Variants in FSD1L observed in about 807,000 individuals in gnomAD.
FSD1L encodes the protein fibronectin type III and SPRY domain containing 1 like.
In FSD1L, 45 loss-of-function variants were observed where a neutral mutation model predicts 71.6. That is an observed-to-expected ratio of 0.63 (90% CI 0.49 to 0.81). The LOEUF (loss-of-function observed/expected upper bound fraction) is 0.81, where lower values mean the gene tolerates loss of function less well. Among genes scored for constraint, FSD1L ranks in the 30% least tolerant of loss-of-function variants. FSD1L has a pLI of 0.00. For synonymous variants in FSD1L, 197 were observed against 207.2 expected (o/e 0.95, Z 0.42); for missense variants, 561 against 618.1 (o/e 0.91, Z 0.98).
intron 10 of FSD1L, 38 bp downstream of exon 10, chr9:105,512,974 C>T (rs2131379991): frequency 7.0e-7 from 1 of 1,437,918 alleles, no homozygotes; most frequent in Non-Finnish European, 9.2e-7. Flanking sequence ...TGGACAAATG[C>T]TTGTACACTG....
Position 105,535,158 on chromosome 9 carries a change from G to A in FSD1L, c.1218G>A (p.Thr406=), listed in dbSNP as rs539181331. The A allele has an allele frequency of 3.0e-5, 46 of 1,551,864 alleles. No homozygotes were observed. Among genetic ancestry groups the A allele is most frequent in the Middle Eastern group, 3.3e-4 (2 of 6,018 alleles). Reference sequence around the variant, plus strand: ...ACAGTGTGGGAGTAGCATACAAAACGTTGGGGAAATTTGACCAATTGGGAA... The same window carrying A: ...ACAGTGTGGGAGTAGCATACAAAACATTGGGGAAATTTGACCAATTGGGAA... The part of the protein sequence containing the change: ...KSYSVGVAYK[T]LGKFDQLGKT... The change falls in exon 12 of 14, where the codon ACG becomes ACA. Residue 406 remains threonine (T), a synonymous_variant. Transcript: ENST00000481272.
chr9:105,534,454 T>TAAAATA (rs1836130123), intron 10 of FSD1L, 39 bp from the exon 11 acceptor site: 1 of 1,096,240 alleles, frequency 9.1e-7, no homozygotes, highest in Non-Finnish European at 1.3e-6. Flanking sequence ...ATTTACAGTA[T>TAAAATA]AAAATATTTG....
At chr9:105,490,075 A>C (rs373736970) in intron 7 of FSD1L, among the ~76,000 whole-genome samples, 2 of 152,220 alleles carry the variant, frequency 1.3e-5, no homozygotes, top group Non-Finnish European at 2.9e-5. Flanking sequence ...CTGAGGAATC[A>C]CCACACTGAC....
intron 1 of FSD1L, among the ~76,000 whole-genome samples, chr9:105,455,964 T>G (rs1444652201): frequency 6.6e-6 from 1 of 152,222 alleles, no homozygotes; most frequent in Non-Finnish European, 1.5e-5. Flanking sequence ...CTCAGAAGTC[T>G]TCTCCTCCTC....
intron 10 of FSD1L, among the ~76,000 whole-genome samples, chr9:105,515,883 C>T (rs1834688348): frequency 6.6e-6 from 1 of 151,984 alleles, no homozygotes; most frequent in Admixed American, 6.5e-5. Context: ...ACCAGGGAGC[C>T]AAGTGGTCTG....
At chr9:105,459,110 A>C (rs1286060356) in intron 1 of FSD1L, among the ~76,000 whole-genome samples, 3 of 152,168 alleles carry the variant, frequency 2.0e-5, no homozygotes, top group Non-Finnish European at 4.4e-5. Flanking sequence ...TACCTCCTAG[A>C]TTAGGCACAT....
At chr9:105,536,757 T>C (rs1163994291) in intron 12 of FSD1L, among the ~76,000 whole-genome samples, 3 of 151,458 alleles carry the variant, frequency 2.0e-5, no homozygotes, top group Non-Finnish European at 4.4e-5. Flanking sequence ...TGCCTCAGCC[T>C]CCTGAGTTAG....
intron 7 of FSD1L, among the ~76,000 whole-genome samples, chr9:105,492,231 G>T (rs1184929274): frequency 6.6e-6 from 1 of 152,104 alleles, no homozygotes; most frequent in Non-Finnish European, 1.5e-5. Flanking sequence ...TCTTGGGAGG[G>T]TGTATGTGTC....
chr9:105,485,905 A>G (rs1415328100), intron 7 of FSD1L, among the ~76,000 whole-genome samples: 1 of 151,500 alleles, frequency 6.6e-6, no homozygotes, highest in Non-Finnish European at 1.5e-5. Context: ...GGCCTCCCAA[A>G]GTGCTGGGAT....
chr9:105,509,065 G>A (rs749802020), intron 9 of FSD1L, among the ~76,000 whole-genome samples: 1 of 152,200 alleles, frequency 6.6e-6, no homozygotes, highest in African/African-American at 2.4e-5. Context: ...TATTGGGGAA[G>A]TATCTGTTTA....
At chr9:105,445,225 A>G (rs771813658), upstream of FSD1L, among the ~76,000 whole-genome samples, 1 of 152,206 alleles carries the variant, frequency 6.6e-6, no homozygotes. Context: ...GCTGTTTCCC[A>G]GATGGGAACG....
intron 9 of FSD1L, among the ~76,000 whole-genome samples, chr9:105,509,023 A>G (rs1834240367): frequency 4.6e-5 from 7 of 152,230 alleles, no homozygotes; most frequent in Admixed American, 4.6e-4. Flanking sequence ...AGATTTGCCC[A>G]GAGTTTTCCC....
At chr9:105,536,405 G>A (rs1836266613) in intron 12 of FSD1L, among the ~76,000 whole-genome samples, 1 of 151,940 alleles carries the variant, frequency 6.6e-6, no homozygotes, top group African/African-American at 2.4e-5. Flanking sequence ...ATCTCCTATG[G>A]CTGTCTAGTA....
At chr9:105,454,947 T>G (rs1243921299) in intron 1 of FSD1L, among the ~76,000 whole-genome samples, 2 of 152,228 alleles carry the variant, frequency 1.3e-5, no homozygotes, top group African/African-American at 2.4e-5. Context: ...TTCCATCATT[T>G]AGGTATATTA....
rs1259211810 is a variant in FSD1L, at chr9:105,469,829, G to A, written c.339+1505G>A. ...ATTTTTGCTTTCATTGTCATATCCAGGAAATCATTGACAAATACAGTGTTA... is the reference window on the plus strand; with the variant it reads ...ATTTTTGCTTTCATTGTCATATCCAAGAAATCATTGACAAATACAGTGTTA... On this transcript the variant is annotated intron_variant, in intron 4 of 13. Transcript: ENST00000481272. 2.6e-5 allele frequency among the ~76,000 whole-genome samples: 4 copies of A among 151,698 alleles called. No individual in the cohort carries two copies. The East Asian group carries it at 7.7e-4, about 29-fold the overall frequency.
chr9:105,491,435 C>T (rs1357555325), intron 7 of FSD1L, among the ~76,000 whole-genome samples: 2 of 152,066 alleles, frequency 1.3e-5, no homozygotes, highest in Non-Finnish European at 2.9e-5. Flanking sequence ...ACAATCATGT[C>T]GTCTGCAAAC....
chr9:105,514,120 A>G (rs773844885), intron 10 of FSD1L, among the ~76,000 whole-genome samples: 7 of 152,212 alleles, frequency 4.6e-5, no homozygotes, highest in Non-Finnish European at 7.3e-5. Context: ...AATGGTTTCA[A>G]TTTGCATGAG....
intron 1 of FSD1L, among the ~76,000 whole-genome samples, chr9:105,455,425 GA>G (rs1475605217): frequency 6.6e-6 from 1 of 152,164 alleles, no homozygotes; most frequent in African/African-American, 2.4e-5. Context: ...TAATTCAAAG[GA>G]CAGGTCTATG....
intron 10 of FSD1L, chr9:105,523,105 C>T (rs542337371): frequency 6.2e-7 from 1 of 1,614,036 alleles, no homozygotes; most frequent in Admixed American, 1.7e-5. Flanking sequence ...CATCAGAGTG[C>T]TGAAGAGCAG....
Sources: allele counts gnomAD v4.1 joint callset (sites outside exome capture counted in the v4.1 genomes callset), GRCh38; gene constraint gnomAD v4.1.1; transcripts MANE v1.5; gene names NCBI Gene and HGNC (gene_info 2026-07-23, HGNC 2026-07-21).